RPIA: variants seen among roughly 807,000 people sequenced by gnomAD.
RPIA encodes ribose-5-phosphate isomerase.
Under a neutral mutation model 37.8 loss-of-function variants are expected in RPIA, and 29 were observed. The observed-to-expected ratio is 0.77, with a 90% CI of 0.57 to 1.05. RPIA has a LOEUF of 1.05. RPIA is among the 50% of genes least tolerant of loss of function. RPIA has a pLI of 0.00. For synonymous variants in RPIA, 167 were observed against 157.0 expected, an observed-to-expected ratio of 1.06 and a Z score of -0.48; for missense variants, 385 against 413.6, an observed-to-expected ratio of 0.93 and a Z score of 0.60.
intron 5 of RPIA, 132 bp downstream of exon 5, chr2:88,734,748 C>T: frequency 1.0e-6 from 1 of 960,324 alleles, no homozygotes; most frequent in Non-Finnish European, 1.6e-6. Flanking sequence ...ATATTGATAG[C>T]ATATGGCCTT....
chr2:88,693,979 G>GT (rs973195399), intron 1 of RPIA, among the ~76,000 whole-genome samples: 6 of 152,210 alleles, frequency 3.9e-5, no homozygotes, highest in African/African-American at 1.4e-4. Flanking sequence ...CCTGGGCTTT[G>GT]TTTTTTTACT....
Position 88,750,496 on chromosome 2 carries a change from TCTC to T in RPIA, c.*421_*423del, listed in dbSNP as rs1419152682. ...AAAGTGAGGGGCCCACCAGCAGTGA[TCTC>T]CTGATGCCTTACTGGAAACTTTGTT... On this transcript the variant is annotated 3_prime_UTR_variant, in exon 9 of 9. Transcript: ENST00000283646. 4.7e-6 allele frequency: 2 copies of T among 428,962 alleles called. No homozygotes were observed. The highest frequency in any genetic ancestry group is 6.8e-5 in the East Asian group (2 of 29,610). 26.6% of individuals were successfully genotyped at this position (428,962 alleles called of 1,614,324 possible).
intron 3 of RPIA, among the ~76,000 whole-genome samples, chr2:88,707,289 CTT>C (rs1168943476): frequency 6.6e-6 from 1 of 150,962 alleles, no homozygotes; most frequent in African/African-American, 2.5e-5. Context: ...TAAATATTGA[CTT>C]TTCTTGTGAT....
intron 8 of RPIA, among the ~76,000 whole-genome samples, chr2:88,740,886 T>C (rs757033053): frequency 2.8e-4 from 42 of 152,190 alleles, no homozygotes; most frequent in Admixed American, 1.4e-3. Flanking sequence ...AAAACGGGTC[T>C]TGAGTGGCTA....
chr2:88,719,633 T>A (rs1673095326), intron 3 of RPIA, among the ~76,000 whole-genome samples: 1 of 152,006 alleles, frequency 6.6e-6, no homozygotes, highest in African/African-American at 2.4e-5. Flanking sequence ...CCTAAGGATT[T>A]AAAAAAGAAA....
Position 88,734,609 on chromosome 2 carries a change from G to T in RPIA, c.520G>T (p.Gly174Cys). The change falls in exon 5 of 9, where the codon GGT becomes TGT. Residue 174 changes from glycine (G) to cysteine (C), a missense_variant. Coordinates refer to ENST00000283646, the MANE Select transcript of RPIA (RefSeq NM_144563.3). ...EVDADLNLIK[G>C]GGGCLTQEKI... is the part of the protein sequence containing the mutation. Reference sequence around the variant, plus strand: ...AGATGCTGATCTCAATCTCATCAAGGGTGGCGGGTGAGTGTTGTGGGGGCT... The same window carrying T: ...AGATGCTGATCTCAATCTCATCAAGTGTGGCGGGTGAGTGTTGTGGGGGCT... The T allele has an allele frequency of 6.2e-7, 1 of 1,614,190 alleles. No individual in the cohort carries two copies. The highest frequency in any genetic ancestry group is 8.5e-7 in the Non-Finnish European group (1 of 1,180,026).
At chr2:88,748,123 T>C (rs1406332774) in intron 8 of RPIA, among the ~76,000 whole-genome samples, 1 of 152,240 alleles carries the variant, frequency 6.6e-6, no homozygotes, top group Admixed American at 6.5e-5. Context: ...AGGCAGCCAG[T>C]GTTACCAAAA....
chr2:88,697,773 C>A (rs141369042), intron 1 of RPIA, among the ~76,000 whole-genome samples: 136 of 152,340 alleles, frequency 8.9e-4, no homozygotes, highest in African/African-American at 3.2e-3. Flanking sequence ...TTCTCTGAGG[C>A]AGGCTCATGC....
In RPIA at chr2:88,750,186, TG is replaced by T; in HGVS notation, c.*110del. The T allele has an allele frequency of 1.8e-6, 1 of 545,284 alleles. No homozygotes were observed. The highest frequency in any genetic ancestry group is 3.5e-6 in the Non-Finnish European group (1 of 287,480). The allele number at this position is 545,284 out of a possible 1,614,324, so 33.8% of individuals were successfully genotyped here. On this transcript the variant is annotated 3_prime_UTR_variant, in exon 9 of 9. Transcript: ENST00000283646. ...AATGTATCTCTGCCTGGACAACTTGTGGTGGGGGGTGGGGGGAAGAGTGGGA... is the reference window on the plus strand; with the variant it reads ...AATGTATCTCTGCCTGGACAACTTGTGTGGGGGGTGGGGGGAAGAGTGGGA...
At chr2:88,694,701 C>T (rs952250691) in intron 1 of RPIA, among the ~76,000 whole-genome samples, 9 of 152,218 alleles carry the variant, frequency 5.9e-5, no homozygotes, top group African/African-American at 2.2e-4. Flanking sequence ...CCTTTCTCTC[C>T]CCAATGCTTT....
intron 2 of RPIA, among the ~76,000 whole-genome samples, chr2:88,699,277 C>T (rs1336003195): frequency 1.3e-5 from 2 of 152,176 alleles, no homozygotes; most frequent in Admixed American, 1.3e-4. Context: ...AACCAAGTAT[C>T]TGGAGAATAC....
At chr2:88,709,052 G>T (rs147887999) in intron 3 of RPIA, among the ~76,000 whole-genome samples, 1 of 152,172 alleles carries the variant, frequency 6.6e-6, no homozygotes, top group African/African-American at 2.4e-5. Context: ...CACCGCGCCC[G>T]GCCAGCCAGC....
rs539730824 is a variant in RPIA at position 88,733,965 on chromosome 2, T to A, written c.463-587T>A. On this transcript the variant is annotated intron_variant, in intron 4 of 8. Transcript: ENST00000283646. Reference sequence around the variant, plus strand: ...CAGACAAGTGGGGTCTTAGTGGCAATGCCCCAGTAATTTCCAGTTCGGGAA... The same window carrying A: ...CAGACAAGTGGGGTCTTAGTGGCAAAGCCCCAGTAATTTCCAGTTCGGGAA... Among the ~76,000 whole-genome samples, 14 of 152,304 alleles carry A rather than the reference T, an allele frequency of 9.2e-5. No individual in the cohort carries two copies. In the South Asian group the frequency reaches 2.9e-3, roughly 32 times the overall value.
intron 8 of RPIA, among the ~76,000 whole-genome samples, chr2:88,745,343 T>C (rs554286116): frequency 1.6e-4 from 25 of 152,222 alleles, no homozygotes; most frequent in Non-Finnish European, 3.4e-4. Context: ...ATACCTTGTT[T>C]TTTTGCACTG....
Position 88,698,489 on chromosome 2 carries a change from C to A in RPIA, c.291C>A (p.Asn97Lys). 1 of 1,614,018 alleles carries A rather than the reference C, an allele frequency of 6.2e-7. No individual in the cohort carries two copies. The highest frequency in any genetic ancestry group is 8.5e-7 in the Non-Finnish European group (1 of 1,179,936). Residue 97 changes from asparagine to lysine, a missense_variant, in exon 2 of 9, where the codon AAC becomes AAA. Asn to Lys is a moderately conservative substitution (Grantham distance 94, BLOSUM62 0). Transcript: ENST00000283646. ...RAAVENHVRNNQVLGIGSGST... is the reference protein window; with the variant it reads ...RAAVENHVRNKQVLGIGSGST... ...TCTTCCCCGTTTTTTGGCAGAATAA[C>A]CAAGTGCTGGGAATTGGAAGTGGTT...
At chr2:88,706,032 C>T (rs1183908586) in intron 3 of RPIA, among the ~76,000 whole-genome samples, 2 of 151,912 alleles carry the variant, frequency 1.3e-5, no homozygotes, top group Non-Finnish European at 2.9e-5. Context: ...GTCAGAATGG[C>T]GATTATTAAA....
chr2:88,746,551 G>C (rs773833397), intron 8 of RPIA, among the ~76,000 whole-genome samples: 4 of 152,206 alleles, frequency 2.6e-5, no homozygotes, highest in Non-Finnish European at 5.9e-5. Context: ...CACCCAGTGC[G>C]GCTACTGGGC....
At chr2:88,707,339 C>G (rs1274296935) in intron 3 of RPIA, among the ~76,000 whole-genome samples, 1 of 151,846 alleles carries the variant, frequency 6.6e-6, no homozygotes, top group Admixed American at 6.6e-5. Context: ...ACACTTTTAG[C>G]TTGTCCTAAC....
chr2:88,747,952 CT>C (rs1218037386), intron 8 of RPIA, among the ~76,000 whole-genome samples: 3 of 152,224 alleles, frequency 2.0e-5, no homozygotes, highest in African/African-American at 7.2e-5. Flanking sequence ...ACTGTTCTGT[CT>C]GTCCAAGTGG....
Sources: gnomAD v4.1 joint callset for allele counts (sites outside exome capture counted in the v4.1 genomes callset) on GRCh38, gnomAD v4.1.1 for gene constraint, MANE v1.5 for transcripts, NCBI Gene and HGNC (gene_info 2026-07-23, HGNC 2026-07-21) for gene names.